NOTCH3: variants seen among roughly 807,000 people sequenced by gnomAD.
NOTCH3 encodes notch receptor 3.
Under a neutral mutation model 213.3 loss-of-function variants are expected in NOTCH3, and 86 were observed. That is an observed-to-expected ratio of 0.40 (90% CI 0.34 to 0.48). The LOEUF (loss-of-function observed/expected upper bound fraction) is 0.48. NOTCH3 is among the 20% of genes least tolerant of loss of function. The pLI is 0.57. For synonymous variants in NOTCH3, 1,354 were observed against 1,355.9 expected, an observed-to-expected ratio of 1.00 and a Z score of 0.03; for missense variants, 2,783 against 3,272.6, an observed-to-expected ratio of 0.85 and a Z score of 3.65.
chr19:15,165,793 G>C lies in NOTCH3; in HGVS notation c.5661C>G (p.Val1887=). The C allele has an allele frequency of 6.2e-7, 1 of 1,612,294 alleles. No individual in the cohort carries two copies. Residue 1887 remains valine (V), a synonymous_variant, in exon 30 of 33, where the codon GTC becomes GTG. Transcript: ENST00000263388. This position sits in a 1 kb window ranked among gnomAD's most constrained non-coding sequence, Gnocchi z 4.7. ...AAGTGTGTGCCTATCTCACCTGGAA[G>C]ACACCCTGGGCATCGGCTGTGACAG... ...HTAVTADAQG[V]FQILIRNRST...
rs2145436574 is a variant in NOTCH3, at chr19:15,189,185, G to A, written c.1193-11C>T. On this transcript the variant is annotated splice_polypyrimidine_tract_variant and intron_variant, in intron 7 of 32. Coordinates refer to ENST00000263388, the MANE Select transcript of NOTCH3 (RefSeq NM_000435.3). ...CGCAGGGGTTGGCGCCTGCCGGATG[G>A]AGTGCGATCGGTGTGGGCGTGGCTG... 1 of 1,613,296 alleles carries A rather than the reference G, an allele frequency of 6.2e-7. No individual in the cohort carries two copies.
Position 15,167,334 on chromosome 19 carries a change from G to A in NOTCH3, c.5277C>T (p.Asp1759=). 1 of 1,613,100 alleles carries A rather than the reference G, an allele frequency of 6.2e-7. No homozygotes were observed. Among genetic ancestry groups the A allele is most frequent in the Non-Finnish European group, 8.5e-7 (1 of 1,180,002 alleles). ...QWTQHHLVAA[D]IRVAPAMALT... ...GTGCCATGGCTGGTGCCACGCGGAT[G>A]TCAGCAGCAACCAGATGGTGTTGAG... is the stretch of plus-strand genomic sequence containing the variant. The change falls in exon 29 of 33, where the codon GAC becomes GAT. Residue 1759 remains aspartate (D), a synonymous_variant. Coordinates refer to ENST00000263388, the MANE Select transcript of NOTCH3 (RefSeq NM_000435.3).
In NOTCH3 at chr19:15,180,735, C is replaced by T. The variant is rs1179899018; in HGVS notation, c.3088G>A (p.Gly1030Arg). ...AYCLCPPGWS[G>R]RLCDIRSLPC... ...AAGCTTCGGATGTCACAGAGGCGTC[C>T]GCTCCATCCAGGGGGACAAAGGCAA... Residue 1030 changes from glycine to arginine, a missense_variant, in exon 19 of 33, where the codon GGA (glycine) becomes AGA (arginine). Physicochemically the swap from Gly to Arg is moderately radical, Grantham distance 125. Coordinates refer to ENST00000263388, the MANE Select transcript of NOTCH3 (RefSeq NM_000435.3). 4 of 1,578,600 alleles carry T rather than the reference C, an allele frequency of 2.5e-6. No individual in the cohort carries two copies. Among genetic ancestry groups the T allele is most frequent in the Non-Finnish European group, 3.4e-6 (4 of 1,162,820 alleles).
intron 25 of NOTCH3, among the ~76,000 whole-genome samples, chr19:15,173,066 T>TTCCTCTTCC (rs1356342382): frequency 0.013 from 66 of 5,056 alleles, 7 homozygotes; most frequent in African/African-American, 0.024. Context: ...CTTCTTCTTC[T>TTCCTCTTCC]TCTTCTTCTT....
At chr19:15,195,575 G>A (rs1304362563) in intron 2 of NOTCH3, among the ~76,000 whole-genome samples, 1 of 151,692 alleles carries the variant, frequency 6.6e-6, no homozygotes, top group Non-Finnish European at 1.5e-5. Flanking sequence ...TCACCCGCAA[G>A]ATCCCCCCCA....
At chr19:15,172,516 C>A (rs978487992) in intron 25 of NOTCH3, among the ~76,000 whole-genome samples, 3 of 151,882 alleles carry the variant, frequency 2.0e-5, no homozygotes, top group Non-Finnish European at 4.4e-5. Flanking sequence ...CCTTCCACCA[C>A]CCACATCCCA....
chr19:15,174,335 G>A lies in NOTCH3; in HGVS notation c.4469C>T (p.Thr1490Met), dbSNP rs2145409271. The change falls in exon 25 of 33, where the codon ACG becomes ATG. Residue 1490 changes from threonine (T) to methionine (M), a missense_variant. Physicochemically the swap from Thr to Met is moderately conservative, Grantham distance 81 (BLOSUM62 -1). Coordinates refer to ENST00000263388, the MANE Select transcript of NOTCH3 (RefSeq NM_000435.3). ...ADGRCDQGCN[T>M]EECGWDGLDC... ...CAGCCCATCCCAGCCGCACTCCTCC[G>A]TGTTGCAGCCCTGGTCGCAGCGGCC... The A allele has an allele frequency of 6.4e-7, 1 of 1,552,548 alleles. No individual in the cohort carries two copies. Among genetic ancestry groups the A allele is most frequent in the East Asian group, 2.4e-5 (1 of 41,112 alleles).
intron 12 of NOTCH3, among the ~76,000 whole-genome samples, chr19:15,186,480 C>T (rs1442806486): frequency 6.6e-6 from 1 of 151,924 alleles, no homozygotes; most frequent in Non-Finnish European, 1.5e-5. Context: ...TCTTGGCTCA[C>T]TGCCGCCTCC....
intron 2 of NOTCH3, 59 bp downstream of exon 2, chr19:15,197,441 G>GGGGGGGGGCC: frequency 1.3e-6 from 1 of 768,364 alleles, no homozygotes. Flanking sequence ...AAGACAAATC[G>GGGGGGGGGCC]CCCCTCCCCC....
intron 19 of NOTCH3, 103 bp from the exon 20 acceptor site, chr19:15,180,359 G>A: frequency 1.6e-6 from 2 of 1,289,990 alleles, no homozygotes; most frequent in South Asian, 2.5e-5. Flanking sequence ...TGAGTCCCCA[G>A]GATCGCACCC....
rs779466837 is a variant in NOTCH3, at chr19:15,189,134, C to T, written c.1233G>A (p.Thr411=). 4.3e-6 allele frequency: 7 copies of T among 1,613,382 alleles called. No homozygotes were observed. Among genetic ancestry groups the T allele is most frequent in the South Asian group, 3.3e-5 (3 of 91,090 alleles). The change falls in exon 8 of 33, where the codon ACG becomes ACA. Residue 411 remains threonine (T), a synonymous_variant. Transcript: ENST00000263388. ...PCEHLGRCVN[T]QGSFLCQCGR... ...CGCACTGGCACAGGAAGGAGCCCTGCGTGTTCACGCACCTGCCCAAGTGCT... is the reference window on the plus strand; with the variant it reads ...CGCACTGGCACAGGAAGGAGCCCTGTGTGTTCACGCACCTGCCCAAGTGCT...
rs2145430943 is a variant in NOTCH3, at chr19:15,185,955, G to A, written c.1952-276C>T. ...GGGGTCTCACTCTGTCGCCCGGGCT[G>A]GACTGCAGTGGCATGATCATAGCTC... On this transcript the variant is annotated intron_variant, in intron 12 of 32. Transcript: ENST00000263388. This position sits in a 1 kb window ranked among gnomAD's most constrained non-coding sequence, Gnocchi z 4.2. Among the ~76,000 whole-genome samples, 1 of 152,078 alleles carries A rather than the reference G, an allele frequency of 6.6e-6. No homozygotes were observed. Among genetic ancestry groups the A allele is most frequent in the South Asian group, 2.1e-4 (1 of 4,788 alleles).
At chr19:15,184,570 T>A (rs1396263137) in intron 15 of NOTCH3, 120 bp from the exon 16 acceptor site, 1 of 954,390 alleles carries the variant, frequency 1.0e-6, no homozygotes, top group Non-Finnish European at 1.6e-6. Flanking sequence ...AGCCGTGCTG[T>A]CATTCGTGTC....
intron 1 of NOTCH3, 67 bp from the exon 2 acceptor site, chr19:15,197,645 AC>A (rs2046979607): frequency 1.4e-6 from 2 of 1,392,910 alleles, no homozygotes; most frequent in African/African-American, 2.9e-5. Flanking sequence ...CAAGTGACAA[AC>A]CCCCTCCCTC....
chr19:15,197,128 C>T (rs149421665), intron 2 of NOTCH3, among the ~76,000 whole-genome samples: 146 of 152,190 alleles, frequency 9.6e-4, no homozygotes, highest in Non-Finnish European at 1.7e-3. Flanking sequence ...TGAGCCACTG[C>T]GATTGGTCCC....
chr19:15,165,962 A>G lies in NOTCH3; in HGVS notation c.5492T>C (p.Leu1831Pro). ...ISDLICQGAQ[L>P]GARTDRTGET... The stretch of plus-strand genomic sequence containing the variant: ...GCCAGTACGGTCAGTCCGTGCCCCA[A>G]GCTGAGCCCCCTGGCAGATCAGGTC... The change falls in exon 30 of 33, where the codon CTT becomes CCT. Residue 1831 changes from leucine (L) to proline (P), a missense_variant. Coordinates refer to ENST00000263388, the MANE Select transcript of NOTCH3 (RefSeq NM_000435.3). This position sits in a 1 kb window ranked among gnomAD's most constrained non-coding sequence, Gnocchi z 4.7. 1 of 1,614,186 alleles carries G rather than the reference A, an allele frequency of 6.2e-7. No individual in the cohort carries two copies. Among genetic ancestry groups the G allele is most frequent in the Non-Finnish European group, 8.5e-7 (1 of 1,180,026 alleles).
chr19:15,195,195 T>G (rs2046959981), intron 2 of NOTCH3, among the ~76,000 whole-genome samples: 1 of 152,014 alleles, frequency 6.6e-6, no homozygotes, highest in South Asian at 2.1e-4. Context: ...AAGTCCCTTC[T>G]CTGGGACTTA....
chr19:15,180,040 C>T (rs1466493866), intron 20 of NOTCH3, 32 bp downstream of exon 20: 3 of 1,500,772 alleles, frequency 2.0e-6, no homozygotes, highest in East Asian at 4.5e-5. Flanking sequence ...ATGCCCACCT[C>T]CTCTTCCCTC....
chr19:15,185,141 G>A lies in NOTCH3; in HGVS notation c.2296+116C>T. 1 of 1,450,930 alleles carries A rather than the reference G, an allele frequency of 6.9e-7. No individual in the cohort carries two copies. The highest frequency in any genetic ancestry group is 9.6e-7 in the Non-Finnish European group (1 of 1,046,692). 89.9% of individuals were successfully genotyped at this position (1,450,930 alleles called of 1,614,324 possible). On this transcript the variant is annotated intron_variant, in intron 14 of 32. Transcript: ENST00000263388. This position sits in a 1 kb window ranked among gnomAD's most constrained non-coding sequence, Gnocchi z 4.2. ...ATACCCACCTCCCAAGCTCCTGGAG[G>A]GAAATGATTGAAAGCAAAAAAGAAG...
Sources: allele counts gnomAD v4.1 joint callset (sites outside exome capture counted in the v4.1 genomes callset), GRCh38; gene constraint gnomAD v4.1.1; non-coding constraint Gnocchi (gnomAD v3.1); transcripts MANE v1.5; gene names NCBI Gene and HGNC (gene_info 2026-07-23, HGNC 2026-07-21).